DNM3: variants seen among roughly 807,000 people sequenced by gnomAD.
The protein encoded by DNM3 is dynamin 3, also known as dynamin-3.
Under a neutral mutation model 101.6 loss-of-function variants are expected in DNM3, and 47 were observed. The observed-to-expected ratio is 0.46, with a 90% CI of 0.37 to 0.59. DNM3 has a LOEUF of 0.59. Ranked by LOEUF, DNM3 falls within the 20% of genes least tolerant of loss-of-function variation. DNM3 has a pLI of 0.00. For synonymous variants in DNM3, 385 were observed against 387.9 expected (o/e 0.99, Z 0.09); for missense variants, 849 against 1,085.7 (o/e 0.78, Z 3.06).
intron 14 of DNM3, among the ~76,000 whole-genome samples, chr1:172,220,529 A>C (rs1019090415): frequency 6.6e-6 from 1 of 152,160 alleles, no homozygotes; most frequent in Non-Finnish European, 1.5e-5. Context: ...AGGGGAAGTA[A>C]GTTGACAGAT....
intron 2 of DNM3, among the ~76,000 whole-genome samples, chr1:171,960,249 A>G (rs1168837968): frequency 1.3e-5 from 2 of 152,126 alleles, no homozygotes; most frequent in African/African-American, 4.8e-5. Flanking sequence ...ATGACATGGA[A>G]CAGATGCTTC....
chr1:172,311,916 C>G (rs1278140835), intron 16 of DNM3, among the ~76,000 whole-genome samples: 1 of 152,090 alleles, frequency 6.6e-6, no homozygotes, highest in Non-Finnish European at 1.5e-5. Context: ...TAGCAGTGTG[C>G]GATGATATTG....
intron 6 of DNM3, among the ~76,000 whole-genome samples, chr1:172,037,405 G>A (rs1052102079): frequency 6.6e-5 from 10 of 152,112 alleles, no homozygotes; most frequent in African/African-American, 2.4e-4. Context: ...GTCCAACAAT[G>A]ATAGACTGGA....
Position 172,354,110 on chromosome 1 carries a change from T to TGAGAGAGAGAGAGAGAGAGAGA in DNM3, c.1894-24907_1894-24906insAGAGAGAGAGAGAGAGAGAGAG, listed in dbSNP as rs1445200263. Reference sequence around the variant, plus strand: ...TGGGGTGTGTGTGTGTGTGTGTGTGTGTGAGAGAGAGAGAGAGAGAGAGAG... The same window carrying TGAGAGAGAGAGAGAGAGAGAGA: ...TGGGGTGTGTGTGTGTGTGTGTGTGTGAGAGAGAGAGAGAGAGAGAGAGTGAGAGAGAGAGAGAGAGAGAGAG... On this transcript the variant is annotated intron_variant, in intron 17 of 20. Coordinates refer to ENST00000627582, the MANE Select transcript of DNM3 (RefSeq NM_015569.5). 8.2e-4 allele frequency among the ~76,000 whole-genome samples: 43 copies of TGAGAGAGAGAGAGAGAGAGAGA among 52,574 alleles called. 1 individual carries two copies. Among genetic ancestry groups the TGAGAGAGAGAGAGAGAGAGAGA allele is most frequent in the East Asian group, 3.0e-3 (2 of 656 alleles). 34.5% of individuals were successfully genotyped at this position (52,574 alleles called of 152,430 possible).
rs540440423 is a variant in DNM3, at chr1:172,098,246, G to A, written c.1545+5371G>A. ...CGTAAAAGACAGCCACCCCCGAAGC[G>A]GCCATTTTAGAGGCCTACCCTCAGG... On this transcript the variant is annotated intron_variant, in intron 13 of 20. Coordinates refer to ENST00000627582, the MANE Select transcript of DNM3 (RefSeq NM_015569.5). 2.0e-4 allele frequency among the ~76,000 whole-genome samples: 31 copies of A among 152,176 alleles called. No homozygotes were observed. In the South Asian group the frequency reaches 3.5e-3, roughly 17 times the overall value.
intron 1 of DNM3, among the ~76,000 whole-genome samples, chr1:171,888,264 G>A (rs1307344201): frequency 6.6e-6 from 1 of 152,114 alleles, no homozygotes; most frequent in Non-Finnish European, 1.5e-5. Flanking sequence ...AGGCTATACA[G>A]TTAAAGGATA....
chr1:171,929,205 G>T (rs1397389056), intron 2 of DNM3, among the ~76,000 whole-genome samples: 2 of 152,230 alleles, frequency 1.3e-5, no homozygotes, highest in Non-Finnish European at 2.9e-5. Context: ...TGCCCAAACA[G>T]CAAAGATGGC....
At chr1:172,287,539 A>C (rs1392124598) in intron 15 of DNM3, among the ~76,000 whole-genome samples, 1 of 152,070 alleles carries the variant, frequency 6.6e-6, no homozygotes, top group Non-Finnish European at 1.5e-5. Context: ...TTTTCTACAA[A>C]TTTTTAATTC....
chr1:172,076,681 G>A (rs140972932), intron 11 of DNM3, among the ~76,000 whole-genome samples: 111 of 152,252 alleles, frequency 7.3e-4, no homozygotes, highest in African/African-American at 2.5e-3. Flanking sequence ...TGATCATGGT[G>A]GAGAAGCTTT....
intron 16 of DNM3, among the ~76,000 whole-genome samples, chr1:172,314,493 G>T (rs557595543): frequency 6.6e-6 from 1 of 152,182 alleles, no homozygotes; most frequent in Non-Finnish European, 1.5e-5. Flanking sequence ...TCAAGGAAAG[G>T]GGTGACAGAC....
At position 172,166,898 on chromosome 1, in the gene DNM3, A is replaced by G. The variant is rs190267437; in HGVS notation, c.1659+35610A>G. On this transcript the variant is annotated intron_variant, in intron 14 of 20. Transcript: ENST00000627582. ...CATCCAGAAGTTCATTCTCAGATCT[A>G]TATAAATGGCAAAGCATTGCATTCT... 3.2e-4 allele frequency among the ~76,000 whole-genome samples: 49 copies of G among 151,978 alleles called. No individual in the cohort carries two copies. The East Asian group carries it at 7.8e-3, about 24-fold the overall frequency.
At chr1:172,111,489 A>G (rs555303665) in intron 13 of DNM3, among the ~76,000 whole-genome samples, 87 of 152,350 alleles carry the variant, frequency 5.7e-4, no homozygotes, top group Non-Finnish European at 1.1e-3. Flanking sequence ...TATTTACAAA[A>G]TCTATTTGAA....
chr1:171,871,346 G>A (rs760998745), intron 1 of DNM3, among the ~76,000 whole-genome samples: 2 of 152,172 alleles, frequency 1.3e-5, no homozygotes, highest in Admixed American at 1.3e-4. Context: ...ACAAAGTATA[G>A]TCTTCTCTCA....
At chr1:172,249,316 T>C (rs546849631) in intron 14 of DNM3, among the ~76,000 whole-genome samples, 1 of 152,290 alleles carries the variant, frequency 6.6e-6, no homozygotes, top group South Asian at 2.1e-4. Context: ...ATTCCCACCT[T>C]CTACCACCTT....
chr1:171,900,626 G>C (rs1427964244), intron 1 of DNM3, among the ~76,000 whole-genome samples: 3 of 152,114 alleles, frequency 2.0e-5, no homozygotes, highest in Non-Finnish European at 4.4e-5. Flanking sequence ...CAGCAGTCAG[G>C]GTGGCGTGAT....
chr1:172,354,213 G>A (rs1445616312), intron 17 of DNM3, among the ~76,000 whole-genome samples: 10 of 151,696 alleles, frequency 6.6e-5, no homozygotes, highest in Admixed American at 4.6e-4. Flanking sequence ...AGAAAAAACC[G>A]GGTTCTTGAG....
intron 1 of DNM3, among the ~76,000 whole-genome samples, chr1:171,885,777 C>G (rs1208745064): frequency 6.6e-6 from 1 of 152,138 alleles, no homozygotes; most frequent in Non-Finnish European, 1.5e-5. Flanking sequence ...GGCTCCTTTG[C>G]TTTTCTCCTA....
intron 13 of DNM3, among the ~76,000 whole-genome samples, chr1:172,114,681 A>T (rs1473871333): frequency 6.6e-6 from 1 of 152,078 alleles, no homozygotes; most frequent in African/African-American, 2.4e-5. Flanking sequence ...GTGCATTCTC[A>T]TTTGTCCTCC....
At chr1:171,928,889 T>C (rs181589907) in intron 2 of DNM3, among the ~76,000 whole-genome samples, 1 of 152,314 alleles carries the variant, frequency 6.6e-6, no homozygotes, top group East Asian at 1.9e-4. Flanking sequence ...CTAGTCACTT[T>C]GAATTTTCTA....
Sources: gnomAD v4.1 joint callset for allele counts (sites outside exome capture counted in the v4.1 genomes callset) on GRCh38, gnomAD v4.1.1 for gene constraint, MANE v1.5 for transcripts, NCBI Gene and HGNC (gene_info 2026-07-23, HGNC 2026-07-21) for gene names.